Variants in MEIS1 observed in about 807,000 individuals in gnomAD.
MEIS1 encodes homeobox protein Meis1.
MEIS1 carries 5 observed loss-of-function variants against 50.8 expected under a neutral mutation model. The observed-to-expected ratio is 0.10, with a 90% CI of 0.05 to 0.21. The LOEUF is 0.21. Ranked by LOEUF, MEIS1 falls within the 10% of genes least tolerant of loss-of-function variation. The pLI, the probability that MEIS1 is intolerant of heterozygous loss-of-function variation, is 1.00. For synonymous variants in MEIS1, 176 were observed against 179.3 expected (o/e 0.98, Z 0.15); for missense variants, 318 against 517.3 (o/e 0.61, Z 3.74).
At chr2:66,473,397 A>AAAAAAAAAATATATATATAT in intron 7 of MEIS1, among the ~76,000 whole-genome samples, 7 of 107,580 alleles carry the variant, frequency 6.5e-5, no homozygotes, top group African/African-American at 3.5e-4. Context: ...AAAAAAAAAA[A>AAAAAAAAAATATATATATAT]ATATATATAT....
intron 9 of MEIS1, among the ~76,000 whole-genome samples, chr2:66,553,596 C>T (rs1674979792): frequency 6.6e-6 from 1 of 152,200 alleles, no homozygotes; most frequent in African/African-American, 2.4e-5. Context: ...GAAAGCTGAG[C>T]AAATAGCTCG....
At chr2:66,511,663 C>A (rs1172463090) in intron 7 of MEIS1, among the ~76,000 whole-genome samples, 1 of 152,174 alleles carries the variant, frequency 6.6e-6, no homozygotes, top group Non-Finnish European at 1.5e-5. Context: ...ACCTACATTT[C>A]CCCATCCTAG....
At chr2:66,537,972 A>G (rs1468391753) in intron 8 of MEIS1, among the ~76,000 whole-genome samples, 4 of 152,224 alleles carry the variant, frequency 2.6e-5, no homozygotes, top group Non-Finnish European at 5.9e-5. Flanking sequence ...TTTGTTGTGC[A>G]TGTTCAAGTG....
intron 6 of MEIS1, 48 bp from the exon 7 acceptor site, chr2:66,464,061 G>A (rs2103744139): frequency 7.4e-7 from 1 of 1,356,716 alleles, no homozygotes; most frequent in Non-Finnish European, 1.0e-6. Context: ...CTACCAATAA[G>A]GGTTCACAGA....
intron 6 of MEIS1, among the ~76,000 whole-genome samples, chr2:66,458,378 C>T (rs892872459): frequency 2.0e-5 from 3 of 152,162 alleles, no homozygotes; most frequent in African/African-American, 7.2e-5. Context: ...GAGCACACAG[C>T]AGCTGGGAGA....
intron 8 of MEIS1, among the ~76,000 whole-genome samples, chr2:66,529,433 C>T (rs1056113628): frequency 2.0e-5 from 3 of 152,144 alleles, no homozygotes; most frequent in African/African-American, 7.2e-5. Context: ...ATTTGTTTAT[C>T]TACTTCTTCT....
chr2:66,515,907 A>G (rs1558546499), intron 8 of MEIS1, among the ~76,000 whole-genome samples: 2 of 152,234 alleles, frequency 1.3e-5, no homozygotes, highest in Non-Finnish European at 2.9e-5. Flanking sequence ...TGTATTCACA[A>G]TCAGTTCAGG....
At chr2:66,473,378 C>CAAAAAAAAAAAA (rs71409174) in intron 7 of MEIS1, among the ~76,000 whole-genome samples, 33 of 53,922 alleles carry the variant, frequency 6.1e-4, no homozygotes, top group African/African-American at 2.3e-3. Context: ...GACTCCATGT[C>CAAAAAAAAAAAA]AAAAAAAAAA....
At chr2:66,502,370 C>A (rs1673579585) in intron 7 of MEIS1, among the ~76,000 whole-genome samples, 1 of 152,144 alleles carries the variant, frequency 6.6e-6, no homozygotes, top group Admixed American at 6.5e-5. Context: ...ATTAAAAAAA[C>A]AAATCCCAAT....
intron 6 of MEIS1, among the ~76,000 whole-genome samples, chr2:66,458,086 T>A (rs1672435882): frequency 6.6e-6 from 1 of 152,096 alleles, no homozygotes; most frequent in South Asian, 2.1e-4. Flanking sequence ...ACCTTCACAG[T>A]AAAGATCATC....
At chr2:66,482,449 A>C (rs778949828) in intron 7 of MEIS1, among the ~76,000 whole-genome samples, 1 of 152,176 alleles carries the variant, frequency 6.6e-6, no homozygotes, top group Non-Finnish European at 1.5e-5. Flanking sequence ...CTTTTTTACC[A>C]GGTTAAGAAG....
At chr2:66,468,848 G>A (rs946062953) in intron 7 of MEIS1, among the ~76,000 whole-genome samples, 7 of 152,174 alleles carry the variant, frequency 4.6e-5, no homozygotes, top group Non-Finnish European at 1.0e-4. Flanking sequence ...TGCATGCTAA[G>A]TAGAATGATG....
At chr2:66,557,717 AT>A (rs1032275517) in intron 9 of MEIS1, among the ~76,000 whole-genome samples, 1 of 152,122 alleles carries the variant, frequency 6.6e-6, no homozygotes, top group African/African-American at 2.4e-5. Context: ...ATCTCTTACC[AT>A]TATAAGCGTT....
chr2:66,537,730 A>G (rs996056468), intron 8 of MEIS1, among the ~76,000 whole-genome samples: 3 of 152,204 alleles, frequency 2.0e-5, no homozygotes, highest in African/African-American at 7.2e-5. Flanking sequence ...GTAGTATTTC[A>G]TCTTCCTTGT....
intron 9 of MEIS1, among the ~76,000 whole-genome samples, chr2:66,565,677 A>G (rs1200577109): frequency 5.9e-5 from 9 of 152,192 alleles, no homozygotes; most frequent in Non-Finnish European, 1.3e-4. Flanking sequence ...GGTAAGTAGT[A>G]TAAGTCACAT....
At chr2:66,492,848 C>T (rs530559402) in intron 7 of MEIS1, among the ~76,000 whole-genome samples, 1 of 152,172 alleles carries the variant, frequency 6.6e-6, no homozygotes, top group Non-Finnish European at 1.5e-5. Flanking sequence ...AAGTTTGTCT[C>T]ATTGCTTTAA....
intron 8 of MEIS1, among the ~76,000 whole-genome samples, chr2:66,541,500 A>G (rs748258202): frequency 2.0e-4 from 31 of 152,306 alleles, no homozygotes; most frequent in Non-Finnish European, 3.8e-4. Flanking sequence ...CTAAGGTTAC[A>G]TTTATAGATT....
rs70943701 is a variant in MEIS1, at chr2:66,495,080, C to CTTTTTTTTTTTTTTTTTTTTTTTTTTTT, written c.743-17068_743-17041dup. ...GAATGCCCACTTTCCCTCTTCTGAC[C>CTTTTTTTTTTTTTTTTTTTTTTTTTTTT]TTTTTTTTTTTTTTTTTTTTTTTTT... On this transcript the variant is annotated intron_variant, in intron 7 of 12. Coordinates refer to ENST00000272369, the MANE Select transcript of MEIS1 (RefSeq NM_002398.3). Among the ~76,000 whole-genome samples the CTTTTTTTTTTTTTTTTTTTTTTTTTTTT allele has an allele frequency of 3.3e-5, 3 of 91,492 alleles. 1 individual carries two copies. The highest frequency in any genetic ancestry group is 2.1e-5 in the Non-Finnish European group (1 of 48,552). The allele number at this position is 91,492 out of a possible 152,430, so 60.0% of individuals were successfully genotyped here.
At chr2:66,536,123 C>T (rs568273449) in intron 8 of MEIS1, among the ~76,000 whole-genome samples, 75 of 152,200 alleles carry the variant, frequency 4.9e-4, no homozygotes, top group Non-Finnish European at 7.9e-4. Flanking sequence ...TGCAAGCAGA[C>T]CCATCTAATG....
Sources: allele counts gnomAD v4.1 joint callset (sites outside exome capture counted in the v4.1 genomes callset), GRCh38; gene constraint gnomAD v4.1.1; transcripts MANE v1.5; gene names NCBI Gene and HGNC (gene_info 2026-07-23, HGNC 2026-07-21).